Variants in FGF13 observed in about 807,000 individuals in gnomAD.
FGF13 encodes the protein fibroblast growth factor 13, also known as fibroblast growth factor homologous factor 2.
Under a neutral mutation model 19.5 loss-of-function variants are expected in FGF13, and 2 were observed. That is an observed-to-expected ratio of 0.10 (90% CI 0.04 to 0.32). FGF13 has a LOEUF of 0.32. FGF13 is among the 10% of genes least tolerant of loss of function. The probability of loss-of-function intolerance (pLI) is 1.00; values close to 1 mark genes in which losing one functional copy is unlikely to be tolerated. For synonymous variants in FGF13, 72 were observed against 76.9 expected (o/e 0.94, Z 0.33); for missense variants, 113 against 192.7 (o/e 0.59, Z 2.45).
chrX:138,972,507 C>T (rs1311200454), intron 1 of FGF13, among the ~76,000 whole-genome samples: 1 of 108,635 alleles, frequency 9.2e-6, no homozygotes, highest in Non-Finnish European at 1.9e-5. Flanking sequence ...CAGGCGCCGG[C>T]CACCATGCCC....
intron 1 of FGF13, among the ~76,000 whole-genome samples, chrX:139,062,988 A>G (rs955217650): frequency 8.9e-5 from 10 of 112,018 alleles, no homozygotes; most frequent in Non-Finnish European, 1.9e-4. Flanking sequence ...TACCTTGTTC[A>G]CCTTAATTTG....
chrX:138,681,025 T>A (rs2089722646), intron 3 of FGF13, among the ~76,000 whole-genome samples: 1 of 109,153 alleles, frequency 9.2e-6, no homozygotes, highest in South Asian at 4.0e-4. Context: ...TACAAAAAAA[T>A]TAGCCTGGCG....
intron 3 of FGF13, among the ~76,000 whole-genome samples, chrX:138,797,425 T>A (rs1174478082): frequency 3.6e-5 from 4 of 111,745 alleles, no homozygotes; most frequent in Non-Finnish European, 1.9e-5. Flanking sequence ...ATATATCTAT[T>A]TTGGTATCAG....
chrX:139,009,921 C>T (rs772745953), intron 1 of FGF13, among the ~76,000 whole-genome samples: 18 of 111,536 alleles, frequency 1.6e-4, no homozygotes, highest in Non-Finnish European at 2.8e-4. Context: ...TCACCTAACA[C>T]GTAAGGACCC....
chrX:139,091,870 T>C (rs142341566), intron 1 of FGF13, among the ~76,000 whole-genome samples: 11 of 110,506 alleles, frequency 1.0e-4, no homozygotes, highest in Admixed American at 2.9e-4. Flanking sequence ...GGAAAGCCTA[T>C]GGACAAGAAG....
At chrX:138,930,562 CT>C (rs1445997445) in intron 1 of FGF13, among the ~76,000 whole-genome samples, 5 of 111,869 alleles carry the variant, frequency 4.5e-5, no homozygotes, top group Admixed American at 2.8e-4. Flanking sequence ...CTTTTAATCT[CT>C]TCTATTTAAA....
chrX:138,811,295 G>A (rs2090922548), intron 3 of FGF13, among the ~76,000 whole-genome samples: 1 of 111,107 alleles, frequency 9.0e-6, no homozygotes, highest in African/African-American at 3.3e-5. Context: ...GTCCTTTGTA[G>A]GGACATGGAT....
At chrX:139,096,599 A>G (rs974252367) in intron 1 of FGF13, among the ~76,000 whole-genome samples, 13 of 112,024 alleles carry the variant, frequency 1.2e-4, no homozygotes, top group Non-Finnish European at 2.1e-4. Flanking sequence ...TATGACTAAT[A>G]ACATGTTTAA....
At chrX:138,853,754 T>C (rs980337130), downstream of FGF13, among the ~76,000 whole-genome samples, 1 of 111,209 alleles carries the variant, frequency 9.0e-6, no homozygotes, top group Middle Eastern at 4.2e-3. Flanking sequence ...CATTAATTTC[T>C]TCACATTTAC....
intron 3 of FGF13, among the ~76,000 whole-genome samples, chrX:138,852,165 C>T (rs1209068522): frequency 8.9e-6 from 1 of 111,751 alleles, no homozygotes; most frequent in Non-Finnish European, 1.9e-5. Flanking sequence ...AGATTCAATG[C>T]TATTCCTGTT....
At chrX:139,167,482 T>TCA (rs2084096333) in intron 1 of FGF13, among the ~76,000 whole-genome samples, 1 of 112,039 alleles carries the variant, frequency 8.9e-6, no homozygotes, top group Non-Finnish European at 1.9e-5. Flanking sequence ...GAGATATTAA[T>TCA]GTTGGCAACA....
intron 1 of FGF13, among the ~76,000 whole-genome samples, chrX:139,156,350 C>T (rs149231992): frequency 0.014 from 1,621 of 111,953 alleles, 35 homozygotes; most frequent in African/African-American, 0.05. Context: ...CTGGTATTCA[C>T]GCCCCTGTAT....
chrX:138,670,872 T>C (rs2089604198), intron 3 of FGF13, among the ~76,000 whole-genome samples: 1 of 111,756 alleles, frequency 8.9e-6, no homozygotes, highest in Non-Finnish European at 1.9e-5. Flanking sequence ...TGAGTTAATC[T>C]AGAAAATTCA....
At chrX:138,891,667 G>A (rs769637344) in intron 1 of FGF13, among the ~76,000 whole-genome samples, 1 of 111,376 alleles carries the variant, frequency 9.0e-6, no homozygotes, top group Non-Finnish European at 1.9e-5. Context: ...TTGATCCTGG[G>A]TGTGTCTGTG....
At chrX:138,661,105 G>A (rs745583445) in intron 3 of FGF13, among the ~76,000 whole-genome samples, 65 of 111,376 alleles carry the variant, frequency 5.8e-4, no homozygotes, top group African/African-American at 2.1e-3. Context: ...GTAGTTAACA[G>A]ATAACAAGTG....
At chrX:138,680,334 G>GT (rs1367387247) in intron 3 of FGF13, among the ~76,000 whole-genome samples, 1 of 111,872 alleles carries the variant, frequency 8.9e-6, no homozygotes, top group African/African-American at 3.3e-5. Context: ...TCCTTTTCAG[G>GT]TTTTCAATTT....
At chrX:138,671,257 T>C (rs1025322848) in intron 3 of FGF13, among the ~76,000 whole-genome samples, 10 of 111,164 alleles carry the variant, frequency 9.0e-5, no homozygotes, top group African/African-American at 3.3e-4. Context: ...CTGCTTCATA[T>C]AGAGGGATAC....
At chrX:138,738,855 A>C (rs2090299328) in intron 1 of FGF13, among the ~76,000 whole-genome samples, 1 of 112,119 alleles carries the variant, frequency 8.9e-6, no homozygotes, top group Non-Finnish European at 1.9e-5. Context: ...TTTTCTTTAG[A>C]AATTAAAATT....
chrX:139,106,424 T>C (rs867356016), intron 1 of FGF13, among the ~76,000 whole-genome samples: 76 of 112,625 alleles, frequency 6.7e-4, no homozygotes, highest in African/African-American at 2.3e-3. Context: ...CATGAATTTC[T>C]GAAGAAAAGT....
Sources: allele counts gnomAD v4.1 joint callset (sites outside exome capture counted in the v4.1 genomes callset), GRCh38; gene constraint gnomAD v4.1.1; transcripts MANE v1.5; gene names NCBI Gene and HGNC (gene_info 2026-07-23, HGNC 2026-07-21).